Variants in SRC observed in about 807,000 individuals in gnomAD.
SRC encodes SRC proto-oncogene, non-receptor tyrosine kinase.
SRC carries 13 observed loss-of-function variants against 62.9 expected under a neutral mutation model. That is an observed-to-expected ratio of 0.21 (90% confidence interval 0.13 to 0.33). The LOEUF (loss-of-function observed/expected upper bound fraction) is 0.33, where lower values mean the gene tolerates loss of function less well. SRC is among the 10% of genes least tolerant of loss of function. The pLI, the probability that SRC is intolerant of heterozygous loss-of-function variation, is 1.00. For synonymous variants in SRC, 302 were observed against 317.5 expected, an observed-to-expected ratio of 0.95 and a Z score of 0.52; for missense variants, 457 against 737.3, an observed-to-expected ratio of 0.62 and a Z score of 4.40.
chr20:37,368,662 C>T (rs1396438039), intron 2 of SRC, among the ~76,000 whole-genome samples: 1 of 145,220 alleles, frequency 6.9e-6, no homozygotes, highest in South Asian at 2.2e-4. Flanking sequence ...ACGCCATTCT[C>T]CTGCCTCAGC....
chr20:37,346,700 A>G (rs2069728207), intron 1 of SRC, among the ~76,000 whole-genome samples: 1 of 151,908 alleles, frequency 6.6e-6, no homozygotes, highest in African/African-American at 2.4e-5. Flanking sequence ...GGGCGGGCTG[A>G]GGGGCCCCGG....
intron 6 of SRC, 25 bp from the exon 7 acceptor site, chr20:37,394,148 AC>A: frequency 6.2e-7 from 1 of 1,603,278 alleles, no homozygotes; most frequent in Non-Finnish European, 8.5e-7. Flanking sequence ...GACAGTCAGC[AC>A]CATCCTCCGT....
chr20:37,379,808 A>C (rs1320866360), intron 2 of SRC, among the ~76,000 whole-genome samples: 1 of 149,638 alleles, frequency 6.7e-6, no homozygotes, highest in Non-Finnish European at 1.5e-5. Flanking sequence ...AGGCAGGAGA[A>C]CCGCTGGAAC....
At chr20:37,350,116 G>A (rs559087587) in intron 1 of SRC, among the ~76,000 whole-genome samples, 2 of 152,206 alleles carry the variant, frequency 1.3e-5, no homozygotes, top group South Asian at 2.1e-4. Context: ...ATCTCCCTTC[G>A]GATTCCCACA....
chr20:37,378,750 G>A (rs1430076243), intron 2 of SRC, among the ~76,000 whole-genome samples: 1 of 152,186 alleles, frequency 6.6e-6, no homozygotes, highest in Non-Finnish European at 1.5e-5. Flanking sequence ...TTACAGAGCC[G>A]CCTCTGGCTG....
chr20:37,366,586 A>C (rs139659133), intron 2 of SRC, among the ~76,000 whole-genome samples: 2 of 152,296 alleles, frequency 1.3e-5, no homozygotes, highest in Non-Finnish European at 2.9e-5. Flanking sequence ...CTGTTTCTAT[A>C]GATTTGCCTA....
chr20:37,374,174 G>A (rs1024604259), intron 2 of SRC, among the ~76,000 whole-genome samples: 2 of 151,424 alleles, frequency 1.3e-5, no homozygotes, highest in East Asian at 3.9e-4. Flanking sequence ...CTGCCTCCCA[G>A]GTTCAAGCGA....
At position 37,402,838 on chromosome 20, in the gene SRC, C is replaced by T; in HGVS notation, c.1360C>T (p.Leu454=). 1 of 1,614,108 alleles carries T rather than the reference C, an allele frequency of 6.2e-7. No individual in the cohort carries two copies. The highest frequency in any genetic ancestry group is 2.2e-5 in the East Asian group (1 of 44,874). ...GTCGGACGTGTGGTCCTTCGGGATCCTGCTGACTGAGCTCACCACAAAGGG... is the reference window on the plus strand; with the variant it reads ...GTCGGACGTGTGGTCCTTCGGGATCTTGCTGACTGAGCTCACCACAAAGGG... ...IKSDVWSFGI[L]LTELTTKGRV... Residue 454 remains leucine, a synonymous_variant, in exon 13 of 14, where the codon CTG becomes TTG. Coordinates refer to ENST00000373578, the MANE Select transcript of SRC (RefSeq NM_198291.3). This position sits in a 1 kb window ranked among gnomAD's most constrained non-coding sequence, Gnocchi z 6.2.
rs1460037241 is a variant in SRC at position 37,369,616 on chromosome 20, A to G, written c.-173+4339A>G. ...TTTTCCTTCTTCCTTTCTAATCTGGATGCCTTATGTTTCATTTTCGTTCCT... is the reference window on the plus strand; with the variant it reads ...TTTTCCTTCTTCCTTTCTAATCTGGGTGCCTTATGTTTCATTTTCGTTCCT... On this transcript the variant is annotated intron_variant, in intron 2 of 13. Coordinates refer to ENST00000373578, the MANE Select transcript of SRC (RefSeq NM_198291.3). 2.6e-5 allele frequency among the ~76,000 whole-genome samples: 4 copies of G among 152,118 alleles called. No homozygotes were observed. In the South Asian group the frequency reaches 6.2e-4, roughly 24 times the overall value.
chr20:37,400,116 G>A lies in SRC; in HGVS notation c.861G>A (p.Gly287=), dbSNP rs763837612. 8 of 1,604,540 alleles carry A rather than the reference G, an allele frequency of 5.0e-6. No individual in the cohort carries two copies. In the South Asian group the frequency reaches 8.9e-5, roughly 18 times the overall value. ...GQGCFGEVWM[G]TWNGTTRVAI... ...TCAGCCTGCATCCCTCCTCAACAGG[G>A]ACCTGGAACGGTACCACCAGGGTGG... Residue 287 remains glycine, a splice_region_variant and synonymous_variant, in exon 10 of 14, where the codon GGG becomes GGA. Coordinates refer to ENST00000373578, the MANE Select transcript of SRC (RefSeq NM_198291.3).
At chr20:37,356,958 C>A (rs371687445) in intron 1 of SRC, among the ~76,000 whole-genome samples, 12 of 152,188 alleles carry the variant, frequency 7.9e-5, no homozygotes, top group East Asian at 7.7e-4. Context: ...CTAGAGCTTC[C>A]CTCCTACGGC....
At chr20:37,348,207 C>G (rs891639454) in intron 1 of SRC, among the ~76,000 whole-genome samples, 31 of 152,230 alleles carry the variant, frequency 2.0e-4, no homozygotes, top group African/African-American at 7.2e-4. Flanking sequence ...CCGTGGCTCT[C>G]TCTCCCTGTC....
chr20:37,396,490 TTCC>T lies in SRC; in HGVS notation c.703+182_703+184del. On this transcript the variant is annotated intron_variant, in intron 8 of 13. Coordinates refer to ENST00000373578, the MANE Select transcript of SRC (RefSeq NM_198291.3). This position sits in a 1 kb window ranked among gnomAD's most constrained non-coding sequence, Gnocchi z 6.1. ...CCCTCCTTTCCTTGTCTCCTTCTTC[TTCC>T]TCTTCTTTCCCCCAGCCCCCCTCCT... 3 of 727,082 alleles carry T rather than the reference TTCC, an allele frequency of 4.1e-6. No homozygotes were observed. The highest frequency in any genetic ancestry group is 6.6e-6 in the Non-Finnish European group (3 of 454,942). 45.0% of individuals were successfully genotyped at this position (727,082 alleles called of 1,614,324 possible).
rs1464327133 is a variant in SRC at position 37,396,950 on chromosome 20, C to A, written c.703+639C>A. 6.6e-6 allele frequency among the ~76,000 whole-genome samples: 1 copy of A among 152,082 alleles called. No individual in the cohort carries two copies. The highest frequency in any genetic ancestry group is 2.4e-5 in the African/African-American group (1 of 41,400). ...AGCCTCCTCCTCCTCTCAGCTTGGC[C>A]TCCTGACTTCCTCTGGGATCACCCG... is the stretch of plus-strand genomic sequence containing the variant. On this transcript the variant is annotated intron_variant, in intron 8 of 13. Transcript: ENST00000373578. This position sits in a 1 kb window ranked among gnomAD's most constrained non-coding sequence, Gnocchi z 6.1.
chr20:37,359,804 G>T (rs533657175), intron 1 of SRC, among the ~76,000 whole-genome samples: 1 of 152,186 alleles, frequency 6.6e-6, no homozygotes, highest in South Asian at 2.1e-4. Flanking sequence ...GGCTGAGGGT[G>T]GAGGTGGGTG....
intron 2 of SRC, among the ~76,000 whole-genome samples, chr20:37,376,331 T>C (rs2070277926): frequency 6.6e-6 from 1 of 152,220 alleles, no homozygotes; most frequent in African/African-American, 2.4e-5. Flanking sequence ...CAATTAGATA[T>C]TGAGCACTTT....
chr20:37,384,397 C>G lies in SRC; in HGVS notation c.244C>G (p.Leu82Val). The G allele has an allele frequency of 7.0e-7, 1 of 1,421,596 alleles. No individual in the cohort carries two copies. The highest frequency in any genetic ancestry group is 1.4e-5 in the South Asian group (1 of 70,370). 88.1% of individuals were successfully genotyped at this position (1,421,596 alleles called of 1,614,324 possible). ...TVTSPQRAGPLAGGVTTFVAL... is the reference protein window; with the variant it reads ...TVTSPQRAGPVAGGVTTFVAL... The stretch of plus-strand genomic sequence containing the variant: ...CACCTCCCCGCAGAGGGCGGGCCCG[C>G]TGGCCGGTCAGTGCGCGGGCGGCGC... The change falls in exon 4 of 14, where the codon CTG (leucine) becomes GTG (valine). Residue 82 changes from leucine (L) to valine (V), a missense_variant. Transcript: ENST00000373578. This position sits in a 1 kb window ranked among gnomAD's most constrained non-coding sequence, Gnocchi z 6.7.
At chr20:37,360,789 C>T (rs1178969124) in intron 1 of SRC, among the ~76,000 whole-genome samples, 1 of 152,180 alleles carries the variant, frequency 6.6e-6, no homozygotes, top group African/African-American at 2.4e-5. Flanking sequence ...GGGTCTGGGT[C>T]CAGTCCTGTG....
chr20:37,355,609 G>C (rs1267883540), intron 1 of SRC, among the ~76,000 whole-genome samples: 1 of 152,160 alleles, frequency 6.6e-6, no homozygotes, highest in Non-Finnish European at 1.5e-5. Flanking sequence ...ATATTCTGGG[G>C]GAGCCAGAGA....
Sources: allele counts gnomAD v4.1 joint callset (sites outside exome capture counted in the v4.1 genomes callset), GRCh38; gene constraint gnomAD v4.1.1; non-coding constraint Gnocchi (gnomAD v3.1); transcripts MANE v1.5; gene names NCBI Gene and HGNC (gene_info 2026-07-23, HGNC 2026-07-21).